Variants in KLHL36 observed in about 807,000 individuals in gnomAD.
KLHL36 encodes the protein kelch-like protein 36.
KLHL36 carries 35 observed loss-of-function variants against 53.3 expected under a neutral mutation model. That is an observed-to-expected ratio of 0.66 (90% confidence interval 0.50 to 0.87). KLHL36 has a LOEUF of 0.87. Among genes scored for constraint, KLHL36 ranks in the 40% least tolerant of loss-of-function variants. The probability of loss-of-function intolerance (pLI) is 0.00; values close to 1 mark genes in which losing one functional copy is unlikely to be tolerated. For missense variants in KLHL36, 864 were observed against 897.6 expected, an observed-to-expected ratio of 0.96 and a Z score of 0.48; for synonymous variants, 472 against 398.9, an observed-to-expected ratio of 1.18 and a Z score of -2.18.
chr16:84,657,216 G>T lies in KLHL36; in HGVS notation c.409G>T (p.Glu137Ter). 6.2e-7 allele frequency: 1 copy of T among 1,614,166 alleles called. No homozygotes were observed. Among genetic ancestry groups the T allele is most frequent in the South Asian group, 1.1e-5 (1 of 91,074 alleles). ...CTGGACGGTGGTAGACTTCTGCTGTGAGTACCTGGAGCAGGAGGTGAGCGA... is the reference window on the plus strand; with the variant it reads ...CTGGACGGTGGTAGACTTCTGCTGTTAGTACCTGGAGCAGGAGGTGAGCGA... ...QIWTVVDFCCEYLEQEVSEDN... is the reference protein window; with the variant it reads ...QIWTVVDFCC The change falls in exon 3 of 5, where the codon GAG (glutamate) becomes TAG (stop). Residue 137 changes from glutamate (E) to a stop codon, truncating the protein, a stop_gained. Transcript: ENST00000564996. LOFTEE classifies it high-confidence loss of function.
In KLHL36 at chr16:84,657,512, C is replaced by T; in HGVS notation, c.705C>T (p.Ile235=). 2.5e-6 allele frequency: 4 copies of T among 1,609,544 alleles called. No homozygotes were observed. Among genetic ancestry groups the T allele is most frequent in the Non-Finnish European group, 3.4e-6 (4 of 1,179,898 alleles). Residue 235 remains isoleucine (I), a synonymous_variant, in exon 3 of 5, where the codon ATC becomes ATT. Coordinates refer to ENST00000564996, the MANE Select transcript of KLHL36 (RefSeq NM_024731.4). ...ACGCCCGCCAGGTGCTGGAGAACAT[C>T]CACTTCCCGCTCATCCCCAAGAACG... The part of the protein sequence containing the change: ...EAHARQVLEN[I]HFPLIPKNDL...
At chr16:84,652,345 A>C (rs1042450781) in intron 2 of KLHL36, among the ~76,000 whole-genome samples, 3 of 151,316 alleles carry the variant, frequency 2.0e-5, no homozygotes, top group Non-Finnish European at 4.4e-5. Flanking sequence ...ATCATAGCTC[A>C]CTGCAGCCTC....
Position 84,659,891 on chromosome 16 carries a change from C to T in KLHL36, c.1269C>T (p.Ser423=), listed in dbSNP as rs750103025. Residue 423 remains serine, a synonymous_variant, in exon 4 of 5, where the codon TCC becomes TCT. Coordinates refer to ENST00000564996, the MANE Select transcript of KLHL36 (RefSeq NM_024731.4). ...SVETYSPKTD[S]WSYVAGLPRF... ...AGACGTACAGTCCCAAGACTGACTC[C>T]TGGTCCTATGTGGCCGGCTTGCCAA... 2.3e-5 allele frequency: 37 copies of T among 1,611,030 alleles called. No individual in the cohort carries two copies. Among genetic ancestry groups the T allele is most frequent in the Non-Finnish European group, 3.1e-5 (37 of 1,177,548 alleles).
chr16:84,652,172 C>T (rs1183198382), intron 2 of KLHL36, among the ~76,000 whole-genome samples: 3 of 152,204 alleles, frequency 2.0e-5, no homozygotes, highest in Non-Finnish European at 4.4e-5. Context: ...AGTTTGACAG[C>T]ACTGGAAGTC....
chr16:84,653,581 C>T (rs112016626), intron 2 of KLHL36, among the ~76,000 whole-genome samples: 4 of 152,200 alleles, frequency 2.6e-5, no homozygotes, highest in African/African-American at 9.6e-5. Flanking sequence ...GGTGAAACCC[C>T]GTCTCTACTG....
chr16:84,656,693 A>AC (rs397855375), intron 2 of KLHL36, among the ~76,000 whole-genome samples, 178 bp from the exon 3 acceptor site: 3 of 151,412 alleles, frequency 2.0e-5, no homozygotes, highest in Admixed American at 6.6e-5. Context: ...GAAAAAAAAA[A>AC]CCACGATACA....
rs558482079 is a variant in KLHL36 at position 84,650,368 on chromosome 16, A to G, written c.-16-484A>G. ...TGATGGATCCAGGTTTTGAAGCTGG[A>G]CAGACCGAGGCGTGATTCTCGGCCG... is the stretch of plus-strand genomic sequence containing the variant. On this transcript the variant is annotated intron_variant, in intron 1 of 4. Transcript: ENST00000564996. Among the ~76,000 whole-genome samples, 85 of 152,280 alleles carry G rather than the reference A, an allele frequency of 5.6e-4. 1 individual carries two copies. The South Asian group carries it at 0.015, about 27-fold the overall frequency.
chr16:84,657,848 C>T lies in KLHL36; in HGVS notation c.1041C>T (p.Ile347=), dbSNP rs3196203. ...GTGTCGCGGTGCTGGGGGGCTTCAT[C>T]TTCATCGCCGGCGGCAGCTTCTCAC... ...HHCVAVLGGF[I]FIAGGSFSRD... The change falls in exon 3 of 5, where the codon ATC becomes ATT. Residue 347 remains isoleucine, a synonymous_variant. Coordinates refer to ENST00000564996, the MANE Select transcript of KLHL36 (RefSeq NM_024731.4). The T allele has an allele frequency of 8.1e-6, 13 of 1,595,556 alleles. No individual in the cohort carries two copies. The highest frequency in any genetic ancestry group is 7.8e-5 in the South Asian group (7 of 90,034).
At chr16:84,649,643 A>G (rs561234817) in intron 1 of KLHL36, among the ~76,000 whole-genome samples, 1 of 152,314 alleles carries the variant, frequency 6.6e-6, no homozygotes, top group Non-Finnish European at 1.5e-5. Context: ...TAGTTTGTCG[A>G]GAGGAATCCA....
Position 84,657,663 on chromosome 16 carries a change from A to G in KLHL36, c.856A>G (p.Lys286Glu). The change falls in exon 3 of 5, where the codon AAG becomes GAG. Residue 286 changes from lysine (K) to glutamate (E), a missense_variant. By Grantham distance (56) the Lys-to-Glu change is moderately conservative. Coordinates refer to ENST00000564996, the MANE Select transcript of KLHL36 (RefSeq NM_024731.4). ...GGCGGCCCAGCCCGTCATGCAGACCAAGCGCACGGCGCTGCGCACCAACCA... is the reference window on the plus strand; with the variant it reads ...GGCGGCCCAGCCCGTCATGCAGACCGAGCGCACGGCGCTGCGCACCAACCA... ...NLAAQPVMQT[K>E]RTALRTNQER... 6.2e-7 allele frequency: 1 copy of G among 1,612,364 alleles called. No individual in the cohort carries two copies. The highest frequency in any genetic ancestry group is 8.5e-7 in the Non-Finnish European group (1 of 1,179,624).
In KLHL36 at chr16:84,661,849, T is replaced by C. The variant is rs1045496896; in HGVS notation, c.1567T>C (p.Cys523Arg). Residue 523 changes from cysteine (C) to arginine (R), a missense_variant, in exon 5 of 5, where the codon TGC becomes CGC. Cys to Arg is a radical substitution (Grantham distance 180). Coordinates refer to ENST00000564996, the MANE Select transcript of KLHL36 (RefSeq NM_024731.4). The surrounding 1 kb of genome is among the most constrained non-coding windows in gnomAD (Gnocchi z 7.9). Reference sequence around the variant, plus strand: ...GGGCGTGGAGGCCTACAGCCCGCAGTGCAACCAGTGGACCCGCGTGGCGCC... The same window carrying C: ...GGGCGTGGAGGCCTACAGCCCGCAGCGCAACCAGTGGACCCGCGTGGCGCC... ...VLGVEAYSPQ[C>R]NQWTRVAPLL... 9 of 1,603,864 alleles carry C rather than the reference T, an allele frequency of 5.6e-6. No homozygotes were observed. Among genetic ancestry groups the C allele is most frequent in the Non-Finnish European group, 7.7e-6 (9 of 1,172,298 alleles).
At chr16:84,650,993 T>A in intron 2 of KLHL36, 63 bp downstream of exon 2, 1 of 1,331,416 alleles carries the variant, frequency 7.5e-7, no homozygotes, top group Non-Finnish European at 1.1e-6. Flanking sequence ...TTTTTCTGAT[T>A]CACTCATTTC....
At position 84,657,641 on chromosome 16, in the gene KLHL36, G is replaced by A. The variant is rs766840130; in HGVS notation, c.834G>A (p.Ala278=). The A allele has an allele frequency of 7.4e-6, 12 of 1,611,880 alleles. No homozygotes were observed. Among genetic ancestry groups the A allele is most frequent in the African/African-American group, 2.7e-5 (2 of 74,936 alleles). Reference sequence around the variant, plus strand: ...CCGTGCGCTACCACAACAACCTGGCGGCCCAGCCCGTCATGCAGACCAAGC... The same window carrying A: ...CCGTGCGCTACCACAACAACCTGGCAGCCCAGCCCGTCATGCAGACCAAGC... ...EEAVRYHNNL[A]AQPVMQTKRT... is the part of the protein sequence containing the mutation. The change falls in exon 3 of 5, where the codon GCG becomes GCA. Residue 278 remains alanine (A), a synonymous_variant. Coordinates refer to ENST00000564996, the MANE Select transcript of KLHL36 (RefSeq NM_024731.4).
rs116097275 is a variant in KLHL36, at chr16:84,660,326, G to A, written c.1295+409G>A. Among the ~76,000 whole-genome samples the A allele has an allele frequency of 9.8e-3, 1,494 of 152,252 alleles. 27 individuals carry two copies. The highest frequency in any genetic ancestry group is 0.034 in the African/African-American group (1,431 of 41,546). ...TAGTTCCTCATCTGTAGAGGTAGAC[G>A]ATAATGATACCCACCCCACAGCACT... On this transcript the variant is annotated intron_variant, in intron 4 of 4. Coordinates refer to ENST00000564996, the MANE Select transcript of KLHL36 (RefSeq NM_024731.4).
intron 2 of KLHL36, among the ~76,000 whole-genome samples, chr16:84,651,884 G>T (rs1041518197): frequency 6.6e-6 from 1 of 152,048 alleles, no homozygotes; most frequent in African/African-American, 2.4e-5. Flanking sequence ...AATGAAAAAA[G>T]ATACAGAAAC....
In KLHL36 at chr16:84,664,116, C is replaced by T. The variant is rs1056441804; in HGVS notation, c.*1983C>T. The T allele has an allele frequency of 3.3e-5, 5 of 152,228 alleles. No individual in the cohort carries two copies. The highest frequency in any genetic ancestry group is 6.5e-5 in the Admixed American group (1 of 15,284). The allele number at this position is 152,228 out of a possible 1,614,324, so 9.4% of individuals were successfully genotyped here. A position where few individuals can be genotyped will look rare whatever the true frequency, so the allele number is the denominator to read the frequency against. ...AGCCTAAAAGTCGTTTGTCTCATAC[C>T]TAGTCCCAGACCCCCACAAAACATG... On this transcript the variant is annotated 3_prime_UTR_variant, in exon 5 of 5. Coordinates refer to ENST00000564996, the MANE Select transcript of KLHL36 (RefSeq NM_024731.4).
chr16:84,659,697 C>T (rs892935430), intron 3 of KLHL36, 63 bp from the exon 4 acceptor site: 62 of 1,537,594 alleles, frequency 4.0e-5, no homozygotes, highest in South Asian at 1.2e-4. Context: ...GGAACCGCAG[C>T]GCCAGATGTT....
At position 84,657,659 on chromosome 16, in the gene KLHL36, G is replaced by A; in HGVS notation, c.852G>A (p.Gln284=). The part of the protein sequence containing the change: ...HNNLAAQPVM[Q]TKRTALRTNQ... ...ACCTGGCGGCCCAGCCCGTCATGCA[G>A]ACCAAGCGCACGGCGCTGCGCACCA... is the stretch of plus-strand genomic sequence containing the variant. Residue 284 remains glutamine, a synonymous_variant, in exon 3 of 5, where the codon CAG becomes CAA. Coordinates refer to ENST00000564996, the MANE Select transcript of KLHL36 (RefSeq NM_024731.4). 1 of 1,612,320 alleles carries A rather than the reference G, an allele frequency of 6.2e-7. No homozygotes were observed. Among genetic ancestry groups the A allele is most frequent in the East Asian group, 2.2e-5 (1 of 44,858 alleles).
Position 84,657,221 on chromosome 16 carries a change from C to T in KLHL36, c.414C>T (p.Tyr138=). Residue 138 remains tyrosine, a synonymous_variant, in exon 3 of 5, where the codon TAC becomes TAT. Coordinates refer to ENST00000564996, the MANE Select transcript of KLHL36 (RefSeq NM_024731.4). ...IWTVVDFCCE[Y]LEQEVSEDNY... The stretch of plus-strand genomic sequence containing the variant: ...CGGTGGTAGACTTCTGCTGTGAGTA[C>T]CTGGAGCAGGAGGTGAGCGAGGACA... The T allele has an allele frequency of 6.2e-7, 1 of 1,614,180 alleles. No homozygotes were observed. Among genetic ancestry groups the T allele is most frequent in the Non-Finnish European group, 8.5e-7 (1 of 1,180,026 alleles).
Sources: allele counts gnomAD v4.1 joint callset (sites outside exome capture counted in the v4.1 genomes callset), GRCh38; gene constraint gnomAD v4.1.1; non-coding constraint Gnocchi (gnomAD v3.1); transcripts MANE v1.5; gene names NCBI Gene and HGNC (gene_info 2026-07-23, HGNC 2026-07-21).